The following RUFY4 variants were observed in gnomAD, a reference collection of about 807,000 sequenced individuals.
RUFY4 encodes the protein RUN and FYVE domain containing 4.
A neutral mutation model predicts 69.0 loss-of-function variants in RUFY4; 73 were observed. That is an observed-to-expected ratio of 1.06 (90% CI 0.88 to 1.29). The LOEUF (loss-of-function observed/expected upper bound fraction) is 1.29. Ranked by LOEUF, RUFY4 falls within the 50% of genes most tolerant of loss-of-function variation. The pLI is 0.00. For synonymous variants in RUFY4, 287 were observed against 271.8 expected (o/e 1.06, Z -0.55); for missense variants, 770 against 705.6 (o/e 1.09, Z -1.03).
chr2:218,073,175 G>A (rs1689536004), intron 4 of RUFY4, 68 bp from the exon 7 acceptor site: 10 of 1,516,126 alleles, frequency 6.6e-6, no homozygotes, highest in African/African-American at 1.4e-5. Flanking sequence ...GCTGGGGTGG[G>A]GGTGGTTGGG....
upstream of RUFY4, chr2:218,070,362 T>G: frequency 1.7e-6 from 1 of 573,164 alleles, no homozygotes; most frequent in Non-Finnish European, 3.1e-6. Flanking sequence ...GTTAGCACAG[T>G]GTCGTCACCC....
At chr2:218,056,229 G>GTTTTTTTTTTTTTT (rs796703457) in intron 2 of RUFY4, among the ~76,000 whole-genome samples, 1 of 128,816 alleles carries the variant, frequency 7.8e-6, no homozygotes. Flanking sequence ...GCTGGTTGTT[G>GTTTTTTTTTTTTTT]TTTTTTTTTT....
At chr2:218,046,253 A>G (rs903328523) in intron 2 of RUFY4, among the ~76,000 whole-genome samples, 1 of 152,022 alleles carries the variant, frequency 6.6e-6, no homozygotes, top group African/African-American at 2.4e-5. Context: ...ATTGTTAACT[A>G]TAGTCATTGG....
intron 10 of RUFY4, 38 bp downstream of exon 12, chr2:218,089,400 C>A (rs753447261): frequency 6.4e-7 from 1 of 1,574,138 alleles, no homozygotes; most frequent in South Asian, 1.1e-5. Context: ...TCTGGGACAG[C>A]CCAGTTTCCA....
rs917961422 is a variant in RUFY4 at position 218,043,236 on chromosome 2, C to G, written c.-1158+7842C>G. Among the ~76,000 whole-genome samples, 14 of 152,114 alleles carry G rather than the reference C, an allele frequency of 9.2e-5. No individual in the cohort carries two copies. The East Asian group carries it at 2.7e-3, about 29-fold the overall frequency. The stretch of plus-strand genomic sequence containing the variant: ...AAGTCATCCCAGTGAGTGTTCAGCT[C>G]TCAGGAGAGAGGGTAGGTCTTCTCT... On this transcript the variant is annotated intron_variant and NMD_transcript_variant, in intron 2 of 13. Transcript: ENST00000457754.
rs190958182 is a variant in RUFY4, at chr2:218,084,650, G to T, written c.1502+1394G>T. Among the ~76,000 whole-genome samples, 26 of 152,294 alleles carry T rather than the reference G, an allele frequency of 1.7e-4. No individual in the cohort carries two copies. In the East Asian group the frequency reaches 4.6e-3, roughly 27 times the overall value. ...CCAAAGAATTTACTGTCAATTGGGAGGAAGAGAGATATAAAAAGTGAAGTA... is the reference window on the plus strand; with the variant it reads ...CCAAAGAATTTACTGTCAATTGGGATGAAGAGAGATATAAAAAGTGAAGTA... On this transcript the variant is annotated intron_variant, in intron 9 of 10. Coordinates refer to ENST00000344321, the Ensembl canonical transcript of RUFY4.
At chr2:218,049,450 G>A (rs1688896632) in intron 2 of RUFY4, among the ~76,000 whole-genome samples, 1 of 151,948 alleles carries the variant, frequency 6.6e-6, no homozygotes, top group Non-Finnish European at 1.5e-5. Flanking sequence ...GAAGTCTGCT[G>A]CCAGATGTAT....
At chr2:218,063,521 C>A (rs1190506115) in intron 3 of RUFY4, among the ~76,000 whole-genome samples, 1 of 152,208 alleles carries the variant, frequency 6.6e-6, no homozygotes, top group Non-Finnish European at 1.5e-5. Context: ...AACCCCCATC[C>A]TAGGGATATA....
chr2:218,076,469 C>T lies in RUFY4; in HGVS notation c.1291C>T (p.Arg431Cys), dbSNP rs372080416. 3.3e-4 allele frequency: 515 copies of T among 1,549,966 alleles called. 1 individual carries two copies. Among genetic ancestry groups the T allele is most frequent in the Middle Eastern group, 7.1e-4 (4 of 5,636 alleles). Residue 431 changes from arginine (R) to cysteine (C), a missense_variant, in exon 8 of 11, where the codon CGC becomes TGC. Arg to Cys is a radical substitution (Grantham distance 180). Transcript: ENST00000344321. Reference sequence around the variant, plus strand: ...CCGGAAGGCTGAGGAGCAGGCCCAGCGCCAGGAGCAGCTGCTGAGGGAGCA... The same window carrying T: ...CCGGAAGGCTGAGGAGCAGGCCCAGTGCCAGGAGCAGCTGCTGAGGGAGCA...
At chr2:218,089,999 A>G in exon 11 of RUFY4, 4 of 1,568,802 alleles carry the variant, frequency 2.5e-6, no homozygotes, top group Non-Finnish European at 3.5e-6. Flanking sequence ...GATTACAAGA[A>G]GAGAGACCGC....
chr2:218,035,906 G>A (rs964180307), intron 2 of RUFY4, among the ~76,000 whole-genome samples: 1 of 152,222 alleles, frequency 6.6e-6, no homozygotes, highest in Non-Finnish European at 1.5e-5. Context: ...GTCTCGAGGA[G>A]GATGAGTACC....
intron 2 of RUFY4, among the ~76,000 whole-genome samples, chr2:218,047,351 AC>A (rs1379022030): frequency 6.6e-6 from 1 of 152,140 alleles, no homozygotes; most frequent in African/African-American, 2.4e-5. Context: ...TACTATGACC[AC>A]AAATAAAGTT....
chr2:218,045,994 G>A (rs1239167260), intron 2 of RUFY4, among the ~76,000 whole-genome samples: 1 of 152,062 alleles, frequency 6.6e-6, no homozygotes, highest in Non-Finnish European at 1.5e-5. Flanking sequence ...TTTTAGTAGA[G>A]ACAGGGTTTC....
chr2:218,082,983 G>A, intron 8 of RUFY4, 127 bp from the exon 11 acceptor site: 1 of 844,224 alleles, frequency 1.2e-6, no homozygotes, highest in Non-Finnish European at 1.7e-6. Context: ...GTGTGTGTGT[G>A]GACTTCAGCT....
Position 218,072,767 on chromosome 2 carries a change from T to A in RUFY4, c.280-12T>A. The A allele has an allele frequency of 6.6e-7, 1 of 1,510,058 alleles. No individual in the cohort carries two copies. Among genetic ancestry groups the A allele is most frequent in the Non-Finnish European group, 8.8e-7 (1 of 1,132,834 alleles). 93.5% of individuals were successfully genotyped at this position (1,510,058 alleles called of 1,614,324 possible). A position where few individuals can be genotyped will look rare whatever the true frequency, so the allele number is the denominator to read the frequency against. On this transcript the variant is annotated splice_polypyrimidine_tract_variant and intron_variant, in intron 3 of 10. Transcript: ENST00000344321. ...AATACTGCTCCCCATTCTGCCCCTGTGCACTCTGCAGTTGAAGACCCCTCT... is the reference window on the plus strand; with the variant it reads ...AATACTGCTCCCCATTCTGCCCCTGAGCACTCTGCAGTTGAAGACCCCTCT...
chr2:218,060,650 G>C (rs1559426470), intron 3 of RUFY4: 2 of 1,350,364 alleles, frequency 1.5e-6, no homozygotes, highest in East Asian at 4.6e-5. Flanking sequence ...AGGAAAATGA[G>C]GACAACAGCA....
At chr2:218,067,131 G>A (rs564419520), upstream of RUFY4, among the ~76,000 whole-genome samples, 256 of 152,280 alleles carry the variant, frequency 1.7e-3, no homozygotes, top group African/African-American at 5.9e-3. Flanking sequence ...AGCCATCTCC[G>A]CATCCGGTCC....
At chr2:218,076,072 T>C (rs1689625214) in intron 7 of RUFY4, among the ~76,000 whole-genome samples, 2 of 152,184 alleles carry the variant, frequency 1.3e-5, no homozygotes, top group South Asian at 4.1e-4. Flanking sequence ...TGATGGTAAG[T>C]CTCTTCCCGA....
At chr2:218,062,864 G>A (rs1473843554) in intron 3 of RUFY4, among the ~76,000 whole-genome samples, 1 of 152,218 alleles carries the variant, frequency 6.6e-6, no homozygotes, top group Non-Finnish European at 1.5e-5. Flanking sequence ...GACACAGCCA[G>A]CCTGCACCCC....
Sources: gnomAD v4.1 joint callset for allele counts (sites outside exome capture counted in the v4.1 genomes callset) on GRCh38, gnomAD v4.1.1 for gene constraint, MANE v1.5 for transcripts, NCBI Gene and HGNC (gene_info 2026-07-23, HGNC 2026-07-21) for gene names.